SLC22A7: variants seen among roughly 807,000 people sequenced by gnomAD.
SLC22A7 encodes solute carrier family 22 member 7.
SLC22A7 carries 48 observed loss-of-function variants against 62.2 expected under a neutral mutation model. The observed-to-expected ratio is 0.77, with a 90% CI of 0.61 to 0.98. SLC22A7 has a LOEUF of 0.98. Among genes scored for constraint, SLC22A7 ranks in the 50% least tolerant of loss-of-function variants. SLC22A7 has a pLI of 0.00. For synonymous variants in SLC22A7, 276 were observed against 314.8 expected (o/e 0.88, Z 1.30); for missense variants, 581 against 703.8 (o/e 0.83, Z 1.97).
chr6:43,298,135 T>C (rs1778599791), upstream of SLC22A7: 5 of 540,490 alleles, frequency 9.3e-6, no homozygotes, highest in Non-Finnish European at 1.3e-5. Context: ...AATGGATGGC[T>C]TCCCCTTCCC....
chr6:43,303,421 T>C (rs956399975), intron 9 of SLC22A7, among the ~76,000 whole-genome samples: 4 of 151,938 alleles, frequency 2.6e-5, no homozygotes, highest in East Asian at 1.9e-4. Context: ...GATCATGCCA[T>C]TGCACTCCAG....
chr6:43,298,416 A>C lies in SLC22A7; in HGVS notation c.58A>C (p.Asn20His), dbSNP rs1355640041. Residue 20 changes from asparagine to histidine, a missense_variant, in exon 1 of 11, where the codon AAT (asparagine) becomes CAT (histidine). Transcript: ENST00000372585. ...CGGCTTTGGGCCCTTCCAACTGCGGAATGTGGCACTGCTGGCCCTGCCCCG... is the reference window on the plus strand; with the variant it reads ...CGGCTTTGGGCCCTTCCAACTGCGGCATGTGGCACTGCTGGCCCTGCCCCG... ...VGGFGPFQLR[N>H]VALLALPRVL... 2.5e-6 allele frequency: 4 copies of C among 1,614,086 alleles called. No homozygotes were observed. Among genetic ancestry groups the C allele is most frequent in the Non-Finnish European group, 3.4e-6 (4 of 1,180,004 alleles).
Position 43,299,818 on chromosome 6 carries a change from T to C in SLC22A7, c.658+37T>C. On this transcript the variant is annotated intron_variant, in intron 4 of 10. Transcript: ENST00000372585. This position sits in a 1 kb window ranked among gnomAD's most constrained non-coding sequence, Gnocchi z 4.4. ...AAGAAACAGGCAGGACCTAGAGGGCTGGAAGAAGGCAGTTGTCAGAGTGAG... is the reference window on the plus strand; with the variant it reads ...AAGAAACAGGCAGGACCTAGAGGGCCGGAAGAAGGCAGTTGTCAGAGTGAG... The C allele has an allele frequency of 1.9e-6, 3 of 1,614,200 alleles. No homozygotes were observed. The highest frequency in any genetic ancestry group is 2.5e-6 in the Non-Finnish European group (3 of 1,180,016).
In SLC22A7 at chr6:43,304,244, G is replaced by A; in HGVS notation, c.1592G>A (p.Ser531Asn). 6.4e-7 allele frequency: 1 copy of A among 1,552,144 alleles called. No homozygotes were observed. Among genetic ancestry groups the A allele is most frequent in the Non-Finnish European group, 8.7e-7 (1 of 1,147,558 alleles). The change falls in exon 10 of 11, where the codon AGT becomes AAT. Residue 531 changes from serine to asparagine, a missense_variant and splice_region_variant. By Grantham distance (46) the Ser-to-Asn change is conservative. Transcript: ENST00000372585. ...ACCATCCAGGACGTGGAGAGAAAGA[G>A]GTGTGTGCACAGGACTGTGTCTGTG... ...PETIQDVERK[S>N]APTSLQEEEM... is the part of the protein sequence containing the mutation.
At position 43,299,573 on chromosome 6, in the gene SLC22A7, T is replaced by C; in HGVS notation, c.504-54T>C. 1 of 1,613,220 alleles carries C rather than the reference T, an allele frequency of 6.2e-7. No homozygotes were observed. The highest frequency in any genetic ancestry group is 8.5e-7 in the Non-Finnish European group (1 of 1,179,308). On this transcript the variant is annotated intron_variant, in intron 3 of 10. Transcript: ENST00000372585. This position sits in a 1 kb window ranked among gnomAD's most constrained non-coding sequence, Gnocchi z 4.4. ...AGCTGGGGTATGAGCCTAGTCTACC[T>C]ATGCCTTAGAACCTCCTTCCACAGG...
Position 43,304,942 on chromosome 6 carries a change from C to A in SLC22A7, c.*217C>A. The A allele has an allele frequency of 2.4e-6, 1 of 423,090 alleles. No individual in the cohort carries two copies. 26.2% of individuals were successfully genotyped at this position (423,090 alleles called of 1,614,324 possible). ...AGTGGGCTGCTGGGCACCCCTCTCA[C>A]GGTTGGGGAGGATTCTGTAAATAAA... On this transcript the variant is annotated 3_prime_UTR_variant, in exon 11 of 11. Transcript: ENST00000372585.
In SLC22A7 at chr6:43,299,795, G is replaced by GA. The variant is rs2150730504; in HGVS notation, c.658+17dup. On this transcript the variant is annotated intron_variant, in intron 4 of 10. Transcript: ENST00000372585. The surrounding 1 kb of genome is among the most constrained non-coding windows in gnomAD (Gnocchi z 4.4). The stretch of plus-strand genomic sequence containing the variant: ...TGATGCCACTGGGTGAGGCAGGCAA[G>GA]AAACAGGCAGGACCTAGAGGGCTGG... The GA allele has an allele frequency of 6.2e-7, 1 of 1,614,228 alleles. No individual in the cohort carries two copies. Among genetic ancestry groups the GA allele is most frequent in the Non-Finnish European group, 8.5e-7 (1 of 1,180,034 alleles).
chr6:43,302,364 C>T lies in SLC22A7; in HGVS notation c.1226C>T (p.Thr409Ile). Residue 409 changes from threonine to isoleucine, a missense_variant, in exon 8 of 11, where the codon ACA (threonine) becomes ATA (isoleucine). Coordinates refer to ENST00000372585, the MANE Select transcript of SLC22A7 (RefSeq NM_153320.2). This position sits in a 1 kb window ranked among gnomAD's most constrained non-coding sequence, Gnocchi z 5.0. ...YAGRRLTQAG[T>I]LLGTALAFGT... ...GGACGCCGCCTCACGCAAGCCGGGA[C>T]ACTGCTGGGCACGGCCCTGGCGTTC... 1.2e-6 allele frequency: 2 copies of T among 1,612,180 alleles called. No individual in the cohort carries two copies. Among genetic ancestry groups the T allele is most frequent in the Non-Finnish European group, 1.7e-6 (2 of 1,179,754 alleles).
At position 43,302,810 on chromosome 6, in the gene SLC22A7, C is replaced by A; in HGVS notation, c.1385+47C>A. ...CTGGGGGTATGGGGCTTGTTAGTCACGTGTCTTAACCAACACTTCTACATA... is the reference window on the plus strand; with the variant it reads ...CTGGGGGTATGGGGCTTGTTAGTCAAGTGTCTTAACCAACACTTCTACATA... On this transcript the variant is annotated intron_variant, in intron 9 of 10. Coordinates refer to ENST00000372585, the MANE Select transcript of SLC22A7 (RefSeq NM_153320.2). This position sits in a 1 kb window ranked among gnomAD's most constrained non-coding sequence, Gnocchi z 5.0. 2.4e-6 allele frequency: 3 copies of A among 1,255,436 alleles called. No individual in the cohort carries two copies. Among genetic ancestry groups the A allele is most frequent in the Non-Finnish European group, 3.5e-6 (3 of 867,854 alleles). 77.8% of individuals were successfully genotyped at this position (1,255,436 alleles called of 1,614,324 possible).
intron 10 of SLC22A7, 132 bp from the exon 11 acceptor site, chr6:43,304,539 G>T: frequency 1.4e-6 from 1 of 730,272 alleles, no homozygotes; most frequent in East Asian, 2.6e-5. Flanking sequence ...ACAAGCATGT[G>T]TGTGAGTCAC....
At position 43,299,843 on chromosome 6, in the gene SLC22A7, G is replaced by T. The variant is rs755204901; in HGVS notation, c.659-55G>T. ...TGGAAGAAGGCAGTTGTCAGAGTGAGGCTGAGCCCATCTGGTCCTCACTAA... is the reference window on the plus strand; with the variant it reads ...TGGAAGAAGGCAGTTGTCAGAGTGATGCTGAGCCCATCTGGTCCTCACTAA... On this transcript the variant is annotated intron_variant, in intron 4 of 10. Coordinates refer to ENST00000372585, the MANE Select transcript of SLC22A7 (RefSeq NM_153320.2). This position sits in a 1 kb window ranked among gnomAD's most constrained non-coding sequence, Gnocchi z 4.4. 1 of 1,614,184 alleles carries T rather than the reference G, an allele frequency of 6.2e-7. No individual in the cohort carries two copies. The highest frequency in any genetic ancestry group is 8.5e-7 in the Non-Finnish European group (1 of 1,179,996).
intron 5 of SLC22A7, among the ~76,000 whole-genome samples, chr6:43,300,403 C>G (rs965322016): frequency 1.3e-5 from 2 of 152,018 alleles, no homozygotes; most frequent in Non-Finnish European, 2.9e-5. Context: ...GGAGGACAGG[C>G]AGGGTGGGCA....
chr6:43,304,183 C>G lies in SLC22A7; in HGVS notation c.1531C>G (p.Leu511Val). ...CCTGCTGGCTGCCGGCACCGCCCTC[C>G]TGCTGCCAGAGACGAGGCAGGCACA... is the stretch of plus-strand genomic sequence containing the variant. ...IALLAAGTALLLPETRQAQLP... is the reference protein window; with the variant it reads ...IALLAAGTALVLPETRQAQLP... Residue 511 changes from leucine (L) to valine (V), a missense_variant, in exon 10 of 11, where the codon CTG becomes GTG. Coordinates refer to ENST00000372585, the MANE Select transcript of SLC22A7 (RefSeq NM_153320.2). 6.3e-7 allele frequency: 1 copy of G among 1,599,328 alleles called. No homozygotes were observed. The highest frequency in any genetic ancestry group is 8.5e-7 in the Non-Finnish European group (1 of 1,171,556).
Position 43,304,669 on chromosome 6 carries a change from A to C in SLC22A7, c.1593-2A>C, listed in dbSNP as rs775263518. 2 of 1,603,756 alleles carry C rather than the reference A, an allele frequency of 1.2e-6. No individual in the cohort carries two copies. Among genetic ancestry groups the C allele is most frequent in the East Asian group, 2.3e-5 (1 of 44,084 alleles). On this transcript the variant is annotated splice_acceptor_variant, in intron 10 of 10. Coordinates refer to ENST00000372585, the MANE Select transcript of SLC22A7 (RefSeq NM_153320.2). LOFTEE classifies it high-confidence loss of function. ...CATTGCTCACAACTCCTTCCTCCCT[A>C]GTGCCCCAACCAGTCTTCAGGAGGA... is the stretch of plus-strand genomic sequence containing the variant.
intron 5 of SLC22A7, among the ~76,000 whole-genome samples, chr6:43,300,373 G>C (rs547388539): frequency 6.6e-6 from 1 of 152,102 alleles, no homozygotes; most frequent in African/African-American, 2.4e-5. Flanking sequence ...ATGGGGGTGG[G>C]GAGCTCAGGC....
chr6:43,297,305 T>C (rs70953672), upstream of SLC22A7, among the ~76,000 whole-genome samples: 1,508 of 152,238 alleles, frequency 9.9e-3, 25 homozygotes, highest in African/African-American at 0.034. Context: ...CCCCAGCAGG[T>C]CCCCTCCCTG....
chr6:43,304,390 T>A, intron 10 of SLC22A7, 146 bp downstream of exon 10: 1 of 709,802 alleles, frequency 1.4e-6, no homozygotes, highest in Non-Finnish European at 2.2e-6. Context: ...CACAGGTGAG[T>A]GTTTCAGGGT....
chr6:43,304,395 C>A, intron 10 of SLC22A7, 151 bp downstream of exon 10: 1 of 701,498 alleles, frequency 1.4e-6, no homozygotes, highest in Non-Finnish European at 2.3e-6. Flanking sequence ...GTGAGTGTTT[C>A]AGGGTGCATG....
rs980622297 is a variant in SLC22A7 at position 43,302,360 on chromosome 6, G to A, written c.1222G>A (p.Gly408Arg). ...CGCAGGACGCCGCCTCACGCAAGCC[G>A]GGACACTGCTGGGCACGGCCCTGGC... ...RYAGRRLTQAGTLLGTALAFG... is the reference protein window; with the variant it reads ...RYAGRRLTQARTLLGTALAFG... The change falls in exon 8 of 11, where the codon GGG (glycine) becomes AGG (arginine). Residue 408 changes from glycine to arginine, a missense_variant. Gly to Arg is a moderately radical substitution (Grantham distance 125). Coordinates refer to ENST00000372585, the MANE Select transcript of SLC22A7 (RefSeq NM_153320.2). The surrounding 1 kb of genome is among the most constrained non-coding windows in gnomAD (Gnocchi z 5.0). The A allele has an allele frequency of 7.4e-6, 12 of 1,612,338 alleles. No individual in the cohort carries two copies. Among genetic ancestry groups the A allele is most frequent in the Non-Finnish European group, 9.3e-6 (11 of 1,179,834 alleles).
Sources: gnomAD v4.1 joint callset for allele counts (sites outside exome capture counted in the v4.1 genomes callset) on GRCh38, gnomAD v4.1.1 for gene constraint, Gnocchi (gnomAD v3.1) non-coding constraint, MANE v1.5 for transcripts, NCBI Gene and HGNC (gene_info 2026-07-23, HGNC 2026-07-21) for gene names.